The following NEDD4L variants were observed in gnomAD, a reference collection of about 807,000 sequenced individuals.
NEDD4L encodes the protein E3 ubiquitin-protein ligase NEDD4-like.
Under a neutral mutation model 148.9 loss-of-function variants are expected in NEDD4L, and 54 were observed. The ratio of observed to expected loss-of-function variants is 0.36; its 90% CI spans 0.29 to 0.45. The LOEUF is 0.45. NEDD4L is among the 20% of genes least tolerant of loss of function. The pLI is 1.00. For synonymous variants in NEDD4L, 433 were observed against 440.7 expected (o/e 0.98, Z 0.22); for missense variants, 856 against 1,233.8 (o/e 0.69, Z 4.59).
intron 2 of NEDD4L, among the ~76,000 whole-genome samples, chr18:58,189,406 T>G (rs1253719196): frequency 1.3e-5 from 2 of 152,120 alleles, no homozygotes; most frequent in African/African-American, 4.8e-5. Context: ...TTACAAACAA[T>G]GAGCCTAGAG....
chr18:58,131,190 G>T (rs1221854283), intron 1 of NEDD4L, among the ~76,000 whole-genome samples: 1 of 151,016 alleles, frequency 6.6e-6, no homozygotes, highest in Non-Finnish European at 1.5e-5. Context: ...GTTGGGATTT[G>T]GTTGGTTGTG....
intron 1 of NEDD4L, among the ~76,000 whole-genome samples, chr18:58,106,439 G>T (rs1371003917): frequency 6.6e-6 from 1 of 152,190 alleles, no homozygotes; most frequent in Non-Finnish European, 1.5e-5. Context: ...GCTCCCCCTT[G>T]TTGAGAGTCT....
intron 2 of NEDD4L, among the ~76,000 whole-genome samples, chr18:58,230,912 C>T (rs1363681878): frequency 1.3e-5 from 2 of 152,122 alleles, no homozygotes; most frequent in East Asian, 1.9e-4. Flanking sequence ...CCCTGAGTGA[C>T]GTGCAGCCGG....
At chr18:58,207,845 G>A (rs1283331092) in intron 2 of NEDD4L, among the ~76,000 whole-genome samples, 3 of 152,126 alleles carry the variant, frequency 2.0e-5, no homozygotes, top group Non-Finnish European at 4.4e-5. Flanking sequence ...GAGAAGGGAG[G>A]TATATTGAGA....
intron 4 of NEDD4L, among the ~76,000 whole-genome samples, chr18:58,249,582 C>T (rs774531514): frequency 3.3e-5 from 5 of 152,194 alleles, no homozygotes; most frequent in Non-Finnish European, 7.3e-5. Context: ...AACTATTAGA[C>T]TGCTTAGCTA....
intron 5 of NEDD4L, among the ~76,000 whole-genome samples, chr18:58,276,383 AT>A (rs1349640078): frequency 6.6e-6 from 1 of 151,542 alleles, no homozygotes; most frequent in African/African-American, 2.4e-5. Context: ...TAATTTTTGT[AT>A]TTTTGGTAGA....
At chr18:58,084,671 TTGTGTGTGTGTGTGTGTGTGTGTG>T (rs55916532) in intron 1 of NEDD4L, among the ~76,000 whole-genome samples, 2 of 133,738 alleles carry the variant, frequency 1.5e-5, no homozygotes, top group African/African-American at 5.6e-5. Context: ...TGTGGGGTTT[TTGTGTGTGTGTGTGTGTGTGTGTG>T]TGTGTGTGTG....
intron 18 of NEDD4L, among the ~76,000 whole-genome samples, chr18:58,356,197 A>T (rs2044619890): frequency 6.6e-6 from 1 of 151,322 alleles, no homozygotes; most frequent in Admixed American, 6.6e-5. Flanking sequence ...GCTTCAAGTG[A>T]TCCTCCTGCC....
At chr18:58,347,712 A>G (rs1303593206) in intron 16 of NEDD4L, among the ~76,000 whole-genome samples, 1 of 152,158 alleles carries the variant, frequency 6.6e-6, no homozygotes, top group Non-Finnish European at 1.5e-5. Context: ...TTCTTTCTTC[A>G]TTTAAAAGTT....
chr18:58,166,471 G>GC (rs1555715953), intron 2 of NEDD4L, among the ~76,000 whole-genome samples: 1 of 152,220 alleles, frequency 6.6e-6, no homozygotes, highest in Non-Finnish European at 1.5e-5. Flanking sequence ...TGGACTGGGA[G>GC]CAGGGTGAGG....
chr18:58,255,956 G>A (rs1568487930), intron 5 of NEDD4L: 9 of 1,231,188 alleles, frequency 7.3e-6, no homozygotes, highest in Non-Finnish European at 8.1e-6. Flanking sequence ...GGCCACGGAC[G>A]GGTGCGGGCC....
intron 1 of NEDD4L, among the ~76,000 whole-genome samples, chr18:58,066,819 G>C (rs1034769446): frequency 3.9e-5 from 6 of 152,032 alleles, no homozygotes; most frequent in African/African-American, 1.5e-4. Context: ...GGGGTGGGGT[G>C]CCACATATTT....
At chr18:58,278,961 T>A (rs896759180) in intron 5 of NEDD4L, among the ~76,000 whole-genome samples, 1 of 152,172 alleles carries the variant, frequency 6.6e-6, no homozygotes, top group African/African-American at 2.4e-5. Flanking sequence ...CACCTCTGCC[T>A]CCCAGGTTCA....
intron 1 of NEDD4L, among the ~76,000 whole-genome samples, chr18:58,146,220 G>A (rs1017379466): frequency 2.6e-5 from 4 of 152,288 alleles, no homozygotes; most frequent in Middle Eastern, 3.4e-3. Context: ...GAAGGTGGGC[G>A]GGAGAGACCT....
intron 2 of NEDD4L, among the ~76,000 whole-genome samples, chr18:58,171,510 C>T (rs1407009083): frequency 6.6e-6 from 1 of 152,280 alleles, no homozygotes; most frequent in East Asian, 1.9e-4. Flanking sequence ...GTACAAGTTC[C>T]CTCCTCCTAC....
At chr18:58,270,230 G>A (rs752085467) in intron 5 of NEDD4L, among the ~76,000 whole-genome samples, 2 of 152,190 alleles carry the variant, frequency 1.3e-5, no homozygotes, top group African/African-American at 4.8e-5. Context: ...CAGAGAAGTG[G>A]GTAATAGGTG....
chr18:58,077,160 CTTTTTTTTTTTTTT>C (rs60248050), intron 1 of NEDD4L, among the ~76,000 whole-genome samples: 7 of 48,922 alleles, frequency 1.4e-4, no homozygotes, highest in Admixed American at 3.5e-4. Flanking sequence ...CTCATAACGG[CTTTTTTTTTTTTTT>C]TTTTTTTTTT....
chr18:58,255,356 A>G (rs2048386830), intron 5 of NEDD4L: 4 of 378,378 alleles, frequency 1.1e-5, no homozygotes, highest in African/African-American at 6.4e-5. Context: ...AACTCCTCTA[A>G]GTCCAGAAGC....
chr18:58,084,085 A>G (rs748957530), intron 1 of NEDD4L, among the ~76,000 whole-genome samples: 6 of 152,234 alleles, frequency 3.9e-5, no homozygotes, highest in Admixed American at 6.5e-5. Context: ...GCAGCATACA[A>G]AATGCATAAA....
Sources: gnomAD v4.1 joint callset for allele counts (sites outside exome capture counted in the v4.1 genomes callset) on GRCh38, gnomAD v4.1.1 for gene constraint, MANE v1.5 for transcripts, NCBI Gene and HGNC (gene_info 2026-07-23, HGNC 2026-07-21) for gene names.